CWF19L2: variants seen among roughly 807,000 people sequenced by gnomAD.
CWF19L2 encodes CWF19 like cell cycle control factor 2.
Under a neutral mutation model 111.7 loss-of-function variants are expected in CWF19L2, and 98 were observed. That is an observed-to-expected ratio of 0.88 (90% CI 0.75 to 1.04). The LOEUF is 1.04. CWF19L2 is among the 50% of genes least tolerant of loss of function. CWF19L2 has a pLI of 0.00. For synonymous variants in CWF19L2, 351 were observed against 342.9 expected, an observed-to-expected ratio of 1.02 and a Z score of -0.26; for missense variants, 1,101 against 1,051.4, an observed-to-expected ratio of 1.05 and a Z score of -0.65.
At chr11:107,380,509 A>G (rs1860669705) in intron 12 of CWF19L2, among the ~76,000 whole-genome samples, 1 of 152,198 alleles carries the variant, frequency 6.6e-6, no homozygotes, top group Non-Finnish European at 1.5e-5. Flanking sequence ...GGACCTGATC[A>G]CAACTGATAC....
chr11:107,442,729 A>AG (rs2135421866), intron 4 of CWF19L2, among the ~76,000 whole-genome samples: 1 of 111,324 alleles, frequency 9.0e-6, no homozygotes, highest in East Asian at 2.7e-4. Flanking sequence ...AGAAAGAGAA[A>AG]GAAAGAAAGG....
intron 12 of CWF19L2, among the ~76,000 whole-genome samples, chr11:107,361,992 C>T (rs1278751373): frequency 1.3e-5 from 2 of 152,160 alleles, no homozygotes; most frequent in Non-Finnish European, 2.9e-5. Flanking sequence ...CGAAGCAGGG[C>T]GAGGCATTGC....
chr11:107,394,035 T>C (rs1196693817), intron 10 of CWF19L2, among the ~76,000 whole-genome samples: 1 of 152,130 alleles, frequency 6.6e-6, no homozygotes, highest in African/African-American at 2.4e-5. Flanking sequence ...TTTTAAAAAT[T>C]AAAAACAAAA....
In CWF19L2 at chr11:107,389,374, G is replaced by A. The variant is rs573356849; in HGVS notation, c.1872+700C>T. ...CCTTAGATAATATGTAAATGCATGT[G>A]TATAGCAGTTCTTCAATACAACTTT... is the stretch of plus-strand genomic sequence containing the variant. On this transcript the variant is annotated intron_variant, in intron 12 of 17. Coordinates refer to ENST00000282251, the MANE Select transcript of CWF19L2 (RefSeq NM_152434.3). 3.3e-5 allele frequency among the ~76,000 whole-genome samples: 5 copies of A among 152,316 alleles called. No homozygotes were observed. The East Asian group carries it at 9.6e-4, about 29-fold the overall frequency.
intron 12 of CWF19L2, among the ~76,000 whole-genome samples, chr11:107,382,708 T>C (rs1336157168): frequency 6.6e-6 from 1 of 152,224 alleles, no homozygotes; most frequent in East Asian, 1.9e-4. Flanking sequence ...TCCTGATTCA[T>C]AACTCCCATA....
intron 3 of CWF19L2, among the ~76,000 whole-genome samples, chr11:107,446,809 C>T (rs1163930116): frequency 6.6e-6 from 1 of 152,188 alleles, no homozygotes; most frequent in East Asian, 1.9e-4. Context: ...CAATTATGCA[C>T]TCACTCACCT....
intron 14 of CWF19L2, among the ~76,000 whole-genome samples, chr11:107,338,160 A>AC (rs1859955355): frequency 6.6e-6 from 1 of 151,974 alleles, no homozygotes; most frequent in African/African-American, 2.4e-5. Flanking sequence ...ACCTCGTCGT[A>AC]CTCAGGCTCA....
chr11:107,342,665 T>G (rs1026499425), intron 14 of CWF19L2, among the ~76,000 whole-genome samples: 2 of 152,144 alleles, frequency 1.3e-5, no homozygotes, highest in East Asian at 3.9e-4. Context: ...CTGATGGTTA[T>G]AGCAGGCTGA....
rs1258185426 is a variant in CWF19L2, at chr11:107,327,040, C to T, written c.2555G>A (p.Gly852Glu). 3.1e-6 allele frequency: 5 copies of T among 1,596,408 alleles called. No individual in the cohort carries two copies. The highest frequency in any genetic ancestry group is 4.3e-6 in the Non-Finnish European group (5 of 1,174,306). ...AAGTCTTGGTTCTATATCCAGCATC[C>T]CACCTATGATTTCCTTTTAAAGAAA... ...PHYFGKEIIG[G>E]MLDIEPRLWR... is the part of the protein sequence containing the mutation. The change falls in exon 18 of 18, where the codon GGG becomes GAG. Residue 852 changes from glycine to glutamate, a missense_variant. Coordinates refer to ENST00000282251, the MANE Select transcript of CWF19L2 (RefSeq NM_152434.3).
intron 10 of CWF19L2, among the ~76,000 whole-genome samples, 159 bp downstream of exon 10, chr11:107,416,050 T>C (rs758188960): frequency 2.0e-5 from 3 of 151,824 alleles, no homozygotes; most frequent in Non-Finnish European, 2.9e-5. Flanking sequence ...TGAGCCAAGA[T>C]CATGCCACTG....
At chr11:107,403,679 A>G (rs1388782452) in intron 10 of CWF19L2, 7 of 780,742 alleles carry the variant, frequency 9.0e-6, no homozygotes, top group Non-Finnish European at 1.6e-5. Flanking sequence ...TTCCTCAGGA[A>G]TGATGCTGCC....
Position 107,332,147 on chromosome 11 carries a change from A to C in CWF19L2, c.2440-2128T>G, listed in dbSNP as rs557427794. 2.0e-5 allele frequency among the ~76,000 whole-genome samples: 3 copies of C among 152,326 alleles called. No homozygotes were observed. The East Asian group carries it at 5.8e-4, about 29-fold the overall frequency. On this transcript the variant is annotated intron_variant, in intron 16 of 17. Coordinates refer to ENST00000282251, the MANE Select transcript of CWF19L2 (RefSeq NM_152434.3). ...TCTGGTAAACCCACATTCTCGTGAG[A>C]AGTGCTTTCCTTAGTTTAGAACATC...
At chr11:107,349,323 T>G (rs964718511) in intron 13 of CWF19L2, among the ~76,000 whole-genome samples, 4 of 152,156 alleles carry the variant, frequency 2.6e-5, no homozygotes, top group Non-Finnish European at 5.9e-5. Flanking sequence ...CAGACAACGA[T>G]TAAGATTAGG....
intron 12 of CWF19L2, among the ~76,000 whole-genome samples, chr11:107,355,176 G>C (rs1860217029): frequency 1.3e-5 from 2 of 152,068 alleles, no homozygotes; most frequent in South Asian, 4.1e-4. Context: ...CTGCACTTTG[G>C]GCAGCCAAGG....
chr11:107,453,706 G>C lies in CWF19L2; in HGVS notation c.339+744C>G, dbSNP rs555652476. On this transcript the variant is annotated intron_variant, in intron 3 of 17. Coordinates refer to ENST00000282251, the MANE Select transcript of CWF19L2 (RefSeq NM_152434.3). ...GTACCAGCTCAGCCACAGGGTGGTA[G>C]AACACCAAGAGGGATCTTGGGGTCT... Among the ~76,000 whole-genome samples the C allele has an allele frequency of 1.7e-4, 26 of 151,874 alleles. No homozygotes were observed. In the East Asian group the frequency reaches 4.7e-3, roughly 28 times the overall value.
chr11:107,402,873 G>GTGTGTGTGTATATATATATA (rs1247886311), intron 10 of CWF19L2, among the ~76,000 whole-genome samples: 1 of 94,468 alleles, frequency 1.1e-5, no homozygotes, highest in African/African-American at 4.8e-5. Flanking sequence ...ACTGTGGTGT[G>GTGTGTGTGTATATATATATA]TATATATATA....
intron 12 of CWF19L2, among the ~76,000 whole-genome samples, chr11:107,382,472 G>A (rs895187581): frequency 6.6e-6 from 1 of 152,154 alleles, no homozygotes; most frequent in Non-Finnish European, 1.5e-5. Flanking sequence ...GATGTGAAAG[G>A]TGAAACAAGA....
At chr11:107,359,769 A>T (rs1166804841) in intron 12 of CWF19L2, among the ~76,000 whole-genome samples, 11 of 152,124 alleles carry the variant, frequency 7.2e-5, no homozygotes, top group Admixed American at 7.2e-4. Context: ...TACAAAGGAA[A>T]AAAAAAAAGA....
At chr11:107,373,104 C>A (rs1483569928) in intron 12 of CWF19L2, among the ~76,000 whole-genome samples, 1 of 68,476 alleles carries the variant, frequency 1.5e-5, no homozygotes, top group African/African-American at 1.0e-4. Context: ...TATCCCGCAC[C>A]TGGCTCGGAG....
Sources: allele counts gnomAD v4.1 joint callset (sites outside exome capture counted in the v4.1 genomes callset), GRCh38; gene constraint gnomAD v4.1.1; transcripts MANE v1.5; gene names NCBI Gene and HGNC (gene_info 2026-07-23, HGNC 2026-07-21).